Variants in HNRNPU observed in about 807,000 individuals in gnomAD.
HNRNPU encodes the protein heterogeneous nuclear ribonucleoprotein U, also known as HNRNPU antisense RNA 1.
HNRNPU carries 5 observed loss-of-function variants against 94.7 expected under a neutral mutation model. The observed-to-expected ratio is 0.05, with a 90% CI of 0.03 to 0.11. The LOEUF (loss-of-function observed/expected upper bound fraction) is 0.11. HNRNPU is among the 10% of genes least tolerant of loss of function. The pLI, the probability that HNRNPU is intolerant of heterozygous loss-of-function variation, is 1.00. For missense variants in HNRNPU, 710 were observed against 1,049.2 expected (o/e 0.68, Z 4.47); for synonymous variants, 434 against 381.6 (o/e 1.14, Z -1.60).
intron 5 of HNRNPU, 102 bp downstream of exon 5, chr1:244,859,172 AT>A: frequency 1.5e-6 from 1 of 661,226 alleles, no homozygotes; most frequent in Non-Finnish European, 2.7e-6. Context: ...AACAGAATAG[AT>A]AAAAACAGAC....
rs1388838940 is a variant in HNRNPU, at chr1:244,854,079, CTG to C, written c.*369_*370del. The C allele has an allele frequency of 3.3e-5, 8 of 239,484 alleles. No homozygotes were observed. The highest frequency in any genetic ancestry group is 1.5e-4 in the East Asian group (1 of 6,714). The allele number at this position is 239,484 out of a possible 1,614,324, so 14.8% of individuals were successfully genotyped here. ...ATTATATTGTGACAATGACTCCCGA[CTG>C]TTATTCTCTGTGAGAAATGGGGGGA... On this transcript the variant is annotated 3_prime_UTR_variant, in exon 14 of 14. Coordinates refer to ENST00000640218, the MANE Select transcript of HNRNPU (RefSeq NM_031844.3).
intron 1 of HNRNPU, among the ~76,000 whole-genome samples, chr1:244,863,406 A>ACG (rs1284535145): frequency 3.0e-4 from 43 of 143,502 alleles, no homozygotes; most frequent in Non-Finnish European, 4.0e-4. Flanking sequence ...ACACACACAC[A>ACG]CACACACACA....
At position 244,863,598 on chromosome 1, in the gene HNRNPU, C is replaced by A; in HGVS notation, c.691+19G>T. On this transcript the variant is annotated intron_variant, in intron 1 of 13. Transcript: ENST00000640218. The stretch of plus-strand genomic sequence containing the variant: ...CGCGCGGGCCTCCCGCCGCGCGCAA[C>A]GTACAACGCAGCACTCACCCGCCGC... The A allele has an allele frequency of 7.0e-7, 1 of 1,430,748 alleles. No homozygotes were observed. Among genetic ancestry groups the A allele is most frequent in the Non-Finnish European group, 9.0e-7 (1 of 1,106,532 alleles). 88.6% of individuals were successfully genotyped at this position (1,430,748 alleles called of 1,614,324 possible).
chr1:244,851,011 GT>G lies in HNRNPU; in HGVS notation c.*3438del, dbSNP rs769618391. 6.6e-6 allele frequency: 1 copy of G among 151,614 alleles called. No homozygotes were observed. The highest frequency in any genetic ancestry group is 1.5e-5 in the Non-Finnish European group (1 of 67,962). 9.4% of individuals were successfully genotyped at this position (151,614 alleles called of 1,614,324 possible). ...TTTTCAAGAGACCAGGTCTCACTAT[GT>G]TGCCCAGGATGGTCTCAAACTCCTG... On this transcript the variant is annotated 3_prime_UTR_variant, in exon 14 of 14. Coordinates refer to ENST00000640218, the MANE Select transcript of HNRNPU (RefSeq NM_031844.3).
At position 244,851,585 on chromosome 1, in the gene HNRNPU, C is replaced by T. The variant is rs1394271517; in HGVS notation, c.*2865G>A. On this transcript the variant is annotated 3_prime_UTR_variant, in exon 14 of 14. Coordinates refer to ENST00000640218, the MANE Select transcript of HNRNPU (RefSeq NM_031844.3). ...AATTCCTTTAAACTTGTTAAAATAC[C>T]TTGTTGCTAGTGCTCAGAACATCTA... The T allele has an allele frequency of 1.3e-5, 2 of 152,032 alleles. No individual in the cohort carries two copies. The highest frequency in any genetic ancestry group is 2.9e-5 in the Non-Finnish European group (2 of 68,006). The allele number at this position is 152,032 out of a possible 1,614,324, so 9.4% of individuals were successfully genotyped here.
At chr1:244,858,408 G>A (rs1327249661) in intron 6 of HNRNPU, 134 bp from the exon 7 acceptor site, 4 of 751,442 alleles carry the variant, frequency 5.3e-6, no homozygotes, top group Middle Eastern at 3.5e-4. Context: ...GCCTTTAAGG[G>A]CTACACAGTT....
rs1278135318 is a variant in HNRNPU at position 244,855,596 on chromosome 1, C to T, written c.2180G>A (p.Arg727His). The T allele has an allele frequency of 1.9e-6, 3 of 1,613,892 alleles. No homozygotes were observed. Among genetic ancestry groups the T allele is most frequent in the Non-Finnish European group, 1.7e-6 (2 of 1,179,948 alleles). The stretch of plus-strand genomic sequence containing the variant: ...GTTGCCCCTCCTATTATATCCGCCA[C>T]GATTCCCAGGGGCTAAAAGACAAGA... ...GNFRGGAPGN[R>H]GGYNRRGNMP... The change falls in exon 12 of 14, where the codon CGT (arginine) becomes CAT (histidine). Residue 727 changes from arginine to histidine, a missense_variant. Around this residue, in one of 8 missense-constraint regions of HNRNPU, gnomAD observed 152 missense variants for 238.9 expected, o/e 0.64. Transcript: ENST00000640218.
At chr1:244,854,570 T>C (rs1680627159) in intron 13 of HNRNPU, 67 bp from the exon 14 acceptor site, 11 of 1,017,070 alleles carry the variant, frequency 1.1e-5, no homozygotes, top group East Asian at 4.8e-5. Context: ...TTTTAGGAAA[T>C]GACAATGAAT....
In HNRNPU at chr1:244,859,281, A is replaced by G. The variant is rs751235603; in HGVS notation, c.1111T>C (p.Leu371=). ...IGWSLTTSGM[L]LGEEEFSYGY... ...AGTCAAAAAGAAGCTTTACCAAGTA[A>G]CATTCCACTTGTAGTTAGTGACCAG... Residue 371 remains leucine, a synonymous_variant, in exon 5 of 14, where the codon TTA becomes CTA. Coordinates refer to ENST00000640218, the MANE Select transcript of HNRNPU (RefSeq NM_031844.3). 1 of 1,537,530 alleles carries G rather than the reference A, an allele frequency of 6.5e-7. No homozygotes were observed. The highest frequency in any genetic ancestry group is 1.1e-5 in the South Asian group (1 of 89,448).
chr1:244,854,922 AG>A, intron 13 of HNRNPU, 50 bp downstream of exon 13: 1 of 1,341,398 alleles, frequency 7.5e-7, no homozygotes, highest in Non-Finnish European at 1.1e-6. Flanking sequence ...GATAAATCTT[AG>A]GAACTCAAAA....
At position 244,853,168 on chromosome 1, in the gene HNRNPU, A is replaced by G. The variant is rs1192933963; in HGVS notation, c.*1282T>C. The G allele has an allele frequency of 6.6e-6, 1 of 152,564 alleles. No homozygotes were observed. The highest frequency in any genetic ancestry group is 1.5e-5 in the Non-Finnish European group (1 of 67,990). 9.5% of individuals were successfully genotyped at this position (152,564 alleles called of 1,614,324 possible). ...AGCCAGTACCTTTTCCCCTCATTAAATATGTTAAAAGTTGTCTGGGGGGGA... is the reference window on the plus strand; with the variant it reads ...AGCCAGTACCTTTTCCCCTCATTAAGTATGTTAAAAGTTGTCTGGGGGGGA... On this transcript the variant is annotated 3_prime_UTR_variant, in exon 14 of 14. Coordinates refer to ENST00000640218, the MANE Select transcript of HNRNPU (RefSeq NM_031844.3).
At position 244,855,060 on chromosome 1, in the gene HNRNPU, ACTCTCT is replaced by A. The variant is rs1454005442; in HGVS notation, c.2353-22_2353-17del. 10 of 1,604,022 alleles carry A rather than the reference ACTCTCT, an allele frequency of 6.2e-6. No individual in the cohort carries two copies. Among genetic ancestry groups the A allele is most frequent in the Non-Finnish European group, 6.0e-6 (7 of 1,170,978 alleles). On this transcript the variant is annotated splice_polypyrimidine_tract_variant and intron_variant, in intron 12 of 13. Transcript: ENST00000640218. Reference sequence around the variant, plus strand: ...CTCTGAAGTTCTACAAAAAGGAAATACTCTCTAAGAGCTCTGAGCCCAATTGCTTGT... The same window carrying A: ...CTCTGAAGTTCTACAAAAAGGAAATAAAGAGCTCTGAGCCCAATTGCTTGT...
intron 10 of HNRNPU, 148 bp from the exon 11 acceptor site, chr1:244,856,306 T>A: frequency 8.7e-7 from 1 of 1,149,314 alleles, no homozygotes; most frequent in Non-Finnish European, 1.2e-6. Context: ...ACTGCAATTT[T>A]AATTCCTGAA....
In HNRNPU at chr1:244,858,810, T is replaced by C. The variant is rs758031122; in HGVS notation, c.1149A>G (p.Leu383=). The change falls in exon 6 of 14, where the codon CTA becomes CTG. Residue 383 remains leucine (L), a synonymous_variant. Coordinates refer to ENST00000640218, the MANE Select transcript of HNRNPU (RefSeq NM_031844.3). ...GEEEFSYGYS[L]KGIKTCNCET... is the part of the protein sequence containing the mutation. The stretch of plus-strand genomic sequence containing the variant: ...CACAGTTGCATGTTTTTATTCCTTT[T>C]AGAGAATACCCATAAGAAAATTCTT... 1 of 1,567,870 alleles carries C rather than the reference T, an allele frequency of 6.4e-7. No homozygotes were observed. The highest frequency in any genetic ancestry group is 8.8e-7 in the Non-Finnish European group (1 of 1,139,166).
At chr1:244,858,490 G>GGTC in intron 6 of HNRNPU, 1 of 608,556 alleles carries the variant, frequency 1.6e-6, no homozygotes, top group Admixed American at 3.2e-5. Flanking sequence ...CTAGAAGCTA[G>GGTC]ACTGAATTTT....
rs1347562161 is a variant in HNRNPU, at chr1:244,851,489, C to A, written c.*2961G>T. Reference sequence around the variant, plus strand: ...TACACTCTGTTCATGAATATAAAATCCCCAGGTGAAAGTCCCTTAAAACAC... The same window carrying A: ...TACACTCTGTTCATGAATATAAAATACCCAGGTGAAAGTCCCTTAAAACAC... On this transcript the variant is annotated 3_prime_UTR_variant, in exon 14 of 14. Coordinates refer to ENST00000640218, the MANE Select transcript of HNRNPU (RefSeq NM_031844.3). The A allele has an allele frequency of 1.3e-5, 2 of 152,108 alleles. No individual in the cohort carries two copies. Among genetic ancestry groups the A allele is most frequent in the African/African-American group, 2.4e-5 (1 of 41,420 alleles). 9.4% of individuals were successfully genotyped at this position (152,108 alleles called of 1,614,324 possible).
At position 244,864,451 on chromosome 1, in the gene HNRNPU, T is replaced by A. The variant is rs1466196969; in HGVS notation, c.-144A>T. On this transcript the variant is annotated 5_prime_UTR_variant, in exon 1 of 14. Coordinates refer to ENST00000640218, the MANE Select transcript of HNRNPU (RefSeq NM_031844.3). ...AGATGGGTTCGTGCTGCAGAGCGGA[T>A]CCGCCTGGTGTCGAACGGCGCCAAT... 2.1e-6 allele frequency: 3 copies of A among 1,406,272 alleles called. No individual in the cohort carries two copies. The highest frequency in any genetic ancestry group is 2.9e-6 in the Non-Finnish European group (3 of 1,046,430). The allele number at this position is 1,406,272 out of a possible 1,614,324, so 87.1% of individuals were successfully genotyped here.
Position 244,854,483 on chromosome 1 carries a change from T to C in HNRNPU, c.2445A>G (p.Pro815=). 1 of 1,609,056 alleles carries C rather than the reference T, an allele frequency of 6.2e-7. No homozygotes were observed. Among genetic ancestry groups the C allele is most frequent in the South Asian group, 1.1e-5 (1 of 90,932 alleles). ...ATCCTTGGTGATAATGCTGACTCCA[T>C]GGCTTCTGACCCCAGAATTGCTGTA... The part of the protein sequence containing the change: ...WQQGQFWGQK[P]WSQHYHQGYY Residue 815 remains proline (P), a synonymous_variant, in exon 14 of 14, where the codon CCA becomes CCG. Coordinates refer to ENST00000640218, the MANE Select transcript of HNRNPU (RefSeq NM_031844.3).
chr1:244,857,918 G>A (rs1257745062), intron 7 of HNRNPU, 93 bp downstream of exon 7: 2 of 1,368,054 alleles, frequency 1.5e-6, no homozygotes, highest in Non-Finnish European at 2.0e-6. Context: ...CAAAGTAAAT[G>A]AAACAGACTA....
Sources: allele counts gnomAD v4.1 joint callset (sites outside exome capture counted in the v4.1 genomes callset), GRCh38; gene constraint gnomAD v4.1.1; regional missense constraint gnomAD v4.1.1; transcripts MANE v1.5; gene names NCBI Gene and HGNC (gene_info 2026-07-23, HGNC 2026-07-21).